The following PSPC1 variants were observed in gnomAD, a reference collection of about 807,000 sequenced individuals.
The protein encoded by PSPC1 is paraspeckle protein 1.
PSPC1 carries 14 observed loss-of-function variants against 51.6 expected under a neutral mutation model. That is an observed-to-expected ratio of 0.27 (90% CI 0.18 to 0.42). The LOEUF (loss-of-function observed/expected upper bound fraction) is 0.42. PSPC1 is among the 10% of genes least tolerant of loss of function. The pLI is 1.00. For missense variants in PSPC1, 406 were observed against 701.1 expected (o/e 0.58, Z 4.75); for synonymous variants, 193 against 231.9 (o/e 0.83, Z 1.53).
chr13:19,748,938 G>A (rs575622543), intron 4 of PSPC1, among the ~76,000 whole-genome samples: 6 of 152,048 alleles, frequency 3.9e-5, no homozygotes, highest in South Asian at 4.2e-4. Flanking sequence ...GGCTGGGCAC[G>A]GTGGCTCATA....
chr13:19,746,886 G>T (rs564786365), intron 4 of PSPC1, among the ~76,000 whole-genome samples: 2 of 152,260 alleles, frequency 1.3e-5, no homozygotes, highest in South Asian at 4.1e-4. Context: ...GAGGCGGATG[G>T]ATCACTTGAG....
At chr13:19,672,284 A>G (rs2137550078), downstream of PSPC1, 1 of 167,384 alleles carries the variant, frequency 6.0e-6, no homozygotes, top group East Asian at 1.6e-4. Context: ...AGCTGGGATT[A>G]CAGACACCCG....
At position 19,740,326 on chromosome 13, in the gene PSPC1, A is replaced by G. The variant is rs1885307737; in HGVS notation, c.1052+1239T>C. Among the ~76,000 whole-genome samples the G allele has an allele frequency of 2.0e-5, 3 of 151,966 alleles. No individual in the cohort carries two copies. The South Asian group carries it at 6.2e-4, about 31-fold the overall frequency. On this transcript the variant is annotated intron_variant, in intron 5 of 8. Transcript: ENST00000338910. Reference sequence around the variant, plus strand: ...CCATTGCACTCCAGCCTGGGCAACAAGAGCGAAACTCCCTCTCAAAAAAAA... The same window carrying G: ...CCATTGCACTCCAGCCTGGGCAACAGGAGCGAAACTCCCTCTCAAAAAAAA...
chr13:19,695,960 T>G (rs1295598112), intron 6 of PSPC1, among the ~76,000 whole-genome samples: 1 of 151,184 alleles, frequency 6.6e-6, no homozygotes, highest in Non-Finnish European at 1.5e-5. Context: ...AGTTGGAAAA[T>G]AGGTTAATAA....
rs57418485 is a variant in PSPC1, at chr13:19,751,211, G to A, written c.967+60C>T. 1.8e-3 allele frequency: 2,510 copies of A among 1,392,786 alleles called. 43 individuals are homozygous for A. In the African/African-American group the frequency reaches 0.031, roughly 17 times the overall value. The allele number at this position is 1,392,786 out of a possible 1,614,324, so 86.3% of individuals were successfully genotyped here. Reference sequence around the variant, plus strand: ...CACTTTACACAGTAGTACATGAATGGTACACACACTTAAGGGAAAAAAAAA... The same window carrying A: ...CACTTTACACAGTAGTACATGAATGATACACACACTTAAGGGAAAAAAAAA... On this transcript the variant is annotated intron_variant, in intron 4 of 8. Coordinates refer to ENST00000338910, the MANE Select transcript of PSPC1 (RefSeq NM_001354909.2).
chr13:19,731,226 A>T (rs568010650), intron 5 of PSPC1, among the ~76,000 whole-genome samples: 1 of 152,172 alleles, frequency 6.6e-6, no homozygotes, highest in Non-Finnish European at 1.5e-5. Context: ...AAACATTTAC[A>T]TTACTGTCTA....
intron 6 of PSPC1, among the ~76,000 whole-genome samples, chr13:19,694,379 T>C (rs889121881): frequency 1.3e-5 from 2 of 151,988 alleles, no homozygotes; most frequent in Non-Finnish European, 2.9e-5. Flanking sequence ...TTAAACTTCC[T>C]AGAAGCCACA....
chr13:19,690,883 A>C (rs1878462503), intron 6 of PSPC1, among the ~76,000 whole-genome samples: 1 of 152,120 alleles, frequency 6.6e-6, no homozygotes, highest in Non-Finnish European at 1.5e-5. Context: ...CCTGCTGGCT[A>C]TTCTTACTCT....
intron 6 of PSPC1, among the ~76,000 whole-genome samples, chr13:19,679,539 T>C (rs889618263): frequency 2.6e-5 from 4 of 152,192 alleles, no homozygotes; most frequent in African/African-American, 7.2e-5. Flanking sequence ...CCCCGAGTGG[T>C]TGTGTCTATA....
intron 3 of PSPC1, among the ~76,000 whole-genome samples, chr13:19,757,881 A>C (rs1157839966): frequency 6.6e-6 from 1 of 152,204 alleles, no homozygotes; most frequent in Non-Finnish European, 1.5e-5. Flanking sequence ...CAGAGAACAG[A>C]ACTGGAGGCA....
chr13:19,730,549 T>C (rs985485446), intron 5 of PSPC1, among the ~76,000 whole-genome samples: 1 of 152,180 alleles, frequency 6.6e-6, no homozygotes, highest in East Asian at 1.9e-4. Flanking sequence ...TAAAGTAACT[T>C]AGCTAAGGTA....
intron 4 of PSPC1, among the ~76,000 whole-genome samples, chr13:19,749,596 T>G (rs1207696656): frequency 3.3e-5 from 5 of 149,472 alleles, no homozygotes; most frequent in Admixed American, 6.7e-5. Flanking sequence ...TTATCTCAAA[T>G]AACAACTTGC....
intron 6 of PSPC1, among the ~76,000 whole-genome samples, chr13:19,696,024 G>C (rs972694654): frequency 2.6e-5 from 4 of 152,080 alleles, no homozygotes; most frequent in Non-Finnish European, 5.9e-5. Context: ...TCCACGAAGC[G>C]AGGAATCTGA....
At chr13:19,730,573 A>C (rs186546557) in intron 5 of PSPC1, among the ~76,000 whole-genome samples, 1 of 152,272 alleles carries the variant, frequency 6.6e-6, no homozygotes, top group Non-Finnish European at 1.5e-5. Flanking sequence ...CAGAAAAACA[A>C]AGTAAAATCA....
At chr13:19,776,336 T>C (rs1014228715) in intron 1 of PSPC1, among the ~76,000 whole-genome samples, 1 of 151,950 alleles carries the variant, frequency 6.6e-6, no homozygotes, top group African/African-American at 2.4e-5. Context: ...TGTGGTGGTG[T>C]GTGCCTGCGG....
intron 7 of PSPC1, chr13:19,677,612 T>A (rs2290811): frequency 0.11 from 41,910 of 372,462 alleles, 2,684 homozygotes; most frequent in Middle Eastern, 0.14. Context: ...GACCATTACA[T>A]ATCTTCATTA....
chr13:19,684,830 A>G (rs541979857), intron 6 of PSPC1, among the ~76,000 whole-genome samples: 1 of 152,236 alleles, frequency 6.6e-6, no homozygotes, highest in Non-Finnish European at 1.5e-5. Context: ...TCACTGGGGA[A>G]CACTACTTCT....
rs1566001225 is a variant in PSPC1 at position 19,730,299 on chromosome 13, G to A, written c.1098C>T (p.His366=). The A allele has an allele frequency of 6.2e-7, 1 of 1,613,972 alleles. No individual in the cohort carries two copies. Among genetic ancestry groups the A allele is most frequent in the Non-Finnish European group, 8.5e-7 (1 of 1,179,976 alleles). Residue 366 remains histidine, a synonymous_variant, in exon 6 of 9, where the codon CAC becomes CAT. Transcript: ENST00000338910. ...HRRREEEMIR[H]REQEELRRQQ... The stretch of plus-strand genomic sequence containing the variant: ...GTCGCCTCAGTTCCTCCTGTTCTCT[G>A]TGTCGGATCATTTCTTCCTCACGCC...
intron 4 of PSPC1, among the ~76,000 whole-genome samples, chr13:19,741,995 G>A (rs1487698668): frequency 6.6e-6 from 1 of 152,058 alleles, no homozygotes; most frequent in Non-Finnish European, 1.5e-5. Flanking sequence ...AGCTGGGCAT[G>A]GTGGCGCGCG....
Sources: gnomAD v4.1 joint callset for allele counts (sites outside exome capture counted in the v4.1 genomes callset) on GRCh38, gnomAD v4.1.1 for gene constraint, MANE v1.5 for transcripts, NCBI Gene and HGNC (gene_info 2026-07-23, HGNC 2026-07-21) for gene names.